Variants in CNTNAP2 observed in about 807,000 individuals in gnomAD.
CNTNAP2 encodes contactin-associated protein-like 2.
In CNTNAP2, 98 loss-of-function variants were observed where a neutral mutation model predicts 155.2. The observed-to-expected ratio is 0.63, with a 90% CI of 0.54 to 0.75. CNTNAP2 has a LOEUF of 0.75. CNTNAP2 is among the 30% of genes least tolerant of loss of function. CNTNAP2 has a pLI of 0.00. For missense variants in CNTNAP2, 1,727 were observed against 1,688.1 expected (o/e 1.02, Z -0.40); for synonymous variants, 651 against 631.2 (o/e 1.03, Z -0.47).
intron 13 of CNTNAP2, among the ~76,000 whole-genome samples, chr7:147,769,167 A>T (rs992269236): frequency 6.6e-6 from 1 of 152,174 alleles, no homozygotes; most frequent in African/African-American, 2.4e-5. Flanking sequence ...TGGTCAATTT[A>T]TGCTAATTGG....
At chr7:146,701,627 G>T (rs1248702605) in intron 1 of CNTNAP2, among the ~76,000 whole-genome samples, 3 of 151,960 alleles carry the variant, frequency 2.0e-5, no homozygotes, top group Non-Finnish European at 4.4e-5. Context: ...TAAATACAAA[G>T]TTATATCATT....
At chr7:147,058,544 A>G (rs1353822308) in intron 4 of CNTNAP2, among the ~76,000 whole-genome samples, 2 of 152,310 alleles carry the variant, frequency 1.3e-5, no homozygotes, top group African/African-American at 4.8e-5. Flanking sequence ...CAAATCAATA[A>G]AATAACTTTG....
intron 15 of CNTNAP2, among the ~76,000 whole-genome samples, chr7:147,988,602 ACAAT>A (rs1161207130): frequency 1.3e-5 from 2 of 152,070 alleles, no homozygotes; most frequent in Non-Finnish European, 2.9e-5. Flanking sequence ...TTAAAAAAAA[ACAAT>A]CAGAGTTTAG....
chr7:147,563,951 G>A (rs1800116408), intron 12 of CNTNAP2, among the ~76,000 whole-genome samples: 1 of 152,126 alleles, frequency 6.6e-6, no homozygotes, highest in African/African-American at 2.4e-5. Context: ...AAAATGATGA[G>A]GGCATCAGTG....
intron 1 of CNTNAP2, among the ~76,000 whole-genome samples, chr7:146,313,721 T>G (rs1800863427): frequency 6.6e-6 from 1 of 152,128 alleles, no homozygotes. Context: ...TATTTGGGCC[T>G]GGCACGGTGG....
intron 13 of CNTNAP2, among the ~76,000 whole-genome samples, chr7:147,837,702 G>A (rs967245384): frequency 4.6e-5 from 7 of 152,120 alleles, no homozygotes; most frequent in African/African-American, 1.2e-4. Flanking sequence ...ATTCCAAATC[G>A]GAGAAATTGG....
intron 11 of CNTNAP2, among the ~76,000 whole-genome samples, chr7:147,535,260 C>T (rs1039411300): frequency 3.6e-4 from 55 of 152,158 alleles, no homozygotes; most frequent in Middle Eastern, 3.4e-3. Context: ...GGCCTGATGG[C>T]GGGCCCCTGT....
intron 15 of CNTNAP2, among the ~76,000 whole-genome samples, chr7:148,083,829 C>T (rs1803665471): frequency 1.3e-5 from 2 of 152,146 alleles, no homozygotes; most frequent in South Asian, 4.1e-4. Flanking sequence ...TCAGCAAATC[C>T]TTTATCTGTC....
intron 9 of CNTNAP2, among the ~76,000 whole-genome samples, chr7:147,391,371 T>C (rs964988817): frequency 3.9e-5 from 6 of 152,140 alleles, no homozygotes; most frequent in African/African-American, 1.4e-4. Context: ...TTTTTTTATG[T>C]ATATAGAGGT....
chr7:147,119,250 T>G (rs749658676), intron 5 of CNTNAP2, among the ~76,000 whole-genome samples: 1 of 152,182 alleles, frequency 6.6e-6, no homozygotes, highest in Non-Finnish European at 1.5e-5. Context: ...TAAAATCAAC[T>G]GTGGCTTATA....
At chr7:147,862,496 T>C (rs957632503) in intron 13 of CNTNAP2, among the ~76,000 whole-genome samples, 1 of 152,166 alleles carries the variant, frequency 6.6e-6, no homozygotes, top group African/African-American at 2.4e-5. Flanking sequence ...TCTGTGTGAC[T>C]AAAGAGGGCA....
At chr7:147,080,468 T>C (rs1383353580) in intron 4 of CNTNAP2, among the ~76,000 whole-genome samples, 3 of 151,842 alleles carry the variant, frequency 2.0e-5, no homozygotes, top group Non-Finnish European at 4.4e-5. Flanking sequence ...TTAACTAATA[T>C]ATGATGAAAG....
intron 20 of CNTNAP2, among the ~76,000 whole-genome samples, chr7:148,250,662 T>C (rs778789027): frequency 2.0e-5 from 3 of 152,142 alleles, no homozygotes; most frequent in Non-Finnish European, 2.9e-5. Context: ...TATGGTTGGG[T>C]TCAGCTAGCA....
At chr7:146,774,140 C>T in intron 1 of CNTNAP2, 131 bp from the exon 2 acceptor site, 1 of 716,214 alleles carries the variant, frequency 1.4e-6, no homozygotes, top group South Asian at 1.6e-5. Flanking sequence ...GCCTAAATTC[C>T]TTTGCTAAAT....
intron 8 of CNTNAP2, among the ~76,000 whole-genome samples, chr7:147,185,850 C>G (rs771833537): frequency 2.0e-5 from 3 of 152,144 alleles, no homozygotes; most frequent in African/African-American, 7.2e-5. Context: ...GTTCTCGTGA[C>G]AGTGAGTAAA....
At chr7:147,368,930 T>C (rs1026035959) in intron 9 of CNTNAP2, among the ~76,000 whole-genome samples, 27 of 152,184 alleles carry the variant, frequency 1.8e-4, no homozygotes, top group Admixed American at 9.2e-4. Flanking sequence ...AGAGATACAG[T>C]TATTGAAATG....
At chr7:147,762,516 G>A (rs1453543669) in intron 13 of CNTNAP2, among the ~76,000 whole-genome samples, 6 of 151,882 alleles carry the variant, frequency 4.0e-5, no homozygotes, top group Non-Finnish European at 8.8e-5. Context: ...GTCCTAACTA[G>A]AGATGAAGGC....
chr7:146,634,084 C>G (rs1799557585), intron 1 of CNTNAP2, among the ~76,000 whole-genome samples: 1 of 152,028 alleles, frequency 6.6e-6, no homozygotes, highest in African/African-American at 2.4e-5. Context: ...TAGCTCCACA[C>G]CACCCAACCA....
chr7:147,055,184 A>G (rs111515611), intron 4 of CNTNAP2, among the ~76,000 whole-genome samples: 1 of 152,202 alleles, frequency 6.6e-6, no homozygotes, highest in Non-Finnish European at 1.5e-5. Context: ...GTTTTTAGCA[A>G]GATATCCCTG....
Sources: gnomAD v4.1 joint callset for allele counts (sites outside exome capture counted in the v4.1 genomes callset) on GRCh38, gnomAD v4.1.1 for gene constraint, MANE v1.5 for transcripts, NCBI Gene and HGNC (gene_info 2026-07-23, HGNC 2026-07-21) for gene names.